IGSF21: variants seen among roughly 807,000 people sequenced by gnomAD.
The protein encoded by IGSF21 is immunoglobin superfamily member 21, also known as immunoglobulin superfamily member 21.
A neutral mutation model predicts 46.8 loss-of-function variants in IGSF21; 28 were observed. The observed-to-expected ratio is 0.60, with a 90% confidence interval of 0.44 to 0.82. IGSF21 has a LOEUF of 0.82. Ranked by LOEUF, IGSF21 falls within the 40% of genes least tolerant of loss-of-function variation. The probability of loss-of-function intolerance (pLI) is 0.00; values close to 1 mark genes in which losing one functional copy is unlikely to be tolerated. For missense variants in IGSF21, 624 were observed against 665.5 expected (o/e 0.94, Z 0.69); for synonymous variants, 284 against 273.6 (o/e 1.04, Z -0.38).
intron 4 of IGSF21, among the ~76,000 whole-genome samples, chr1:18,351,830 C>A (rs186973138): frequency 6.6e-6 from 1 of 152,346 alleles, no homozygotes; most frequent in African/African-American, 2.4e-5. Context: ...AGACACGGCA[C>A]CTGTCGTGGG....
At chr1:18,272,997 A>T (rs538417429) in intron 2 of IGSF21, among the ~76,000 whole-genome samples, 1 of 135,514 alleles carries the variant, frequency 7.4e-6, no homozygotes, top group African/African-American at 2.8e-5. Context: ...CCTTGCCCCC[A>T]CTGGGCCCTC....
chr1:18,118,526 C>T (rs769407155), intron 1 of IGSF21, among the ~76,000 whole-genome samples: 2 of 152,220 alleles, frequency 1.3e-5, no homozygotes, highest in Non-Finnish European at 2.9e-5. Context: ...TCTGGTTCTA[C>T]AGAAGCAGGT....
intron 1 of IGSF21, among the ~76,000 whole-genome samples, chr1:18,126,452 G>C (rs1347850622): frequency 1.3e-5 from 2 of 152,078 alleles, no homozygotes; most frequent in African/African-American, 2.4e-5. Flanking sequence ...TCATCAGCAG[G>C]AGGGGGCCAG....
chr1:18,283,301 G>A (rs2085180515), intron 2 of IGSF21, among the ~76,000 whole-genome samples: 1 of 152,186 alleles, frequency 6.6e-6, no homozygotes, highest in South Asian at 2.1e-4. Flanking sequence ...GCCAGAAACC[G>A]GGGCCCACAA....
chr1:18,108,074 G>A lies in IGSF21; in HGVS notation c.-55G>A, dbSNP rs2086107766. The A allele has an allele frequency of 2.3e-6, 2 of 871,450 alleles. No homozygotes were observed. The highest frequency in any genetic ancestry group is 1.6e-6 in the Non-Finnish European group (1 of 622,998). The allele number at this position is 871,450 out of a possible 1,614,324, so 54.0% of individuals were successfully genotyped here. On this transcript the variant is annotated 5_prime_UTR_variant, in exon 1 of 10. Coordinates refer to ENST00000251296, the MANE Select transcript of IGSF21 (RefSeq NM_032880.5). ...GTCTGAGCCCATGGCGAGGGGACCCGCCGCCACCGCCTCCACCCCCGCCGC... is the reference window on the plus strand; with the variant it reads ...GTCTGAGCCCATGGCGAGGGGACCCACCGCCACCGCCTCCACCCCCGCCGC...
chr1:18,291,483 A>G (rs1276872461), intron 2 of IGSF21, among the ~76,000 whole-genome samples: 1 of 152,172 alleles, frequency 6.6e-6, no homozygotes, highest in Non-Finnish European at 1.5e-5. Flanking sequence ...GGAGAAGCTG[A>G]GCTCCTTTGC....
intron 1 of IGSF21, among the ~76,000 whole-genome samples, chr1:18,136,161 C>G (rs1321645489): frequency 6.6e-6 from 1 of 152,122 alleles, no homozygotes; most frequent in Non-Finnish European, 1.5e-5. Flanking sequence ...GACATTAGCC[C>G]TTTGTCAGAT....
At chr1:18,308,222 G>A (rs2085447118) in intron 3 of IGSF21, among the ~76,000 whole-genome samples, 2 of 152,212 alleles carry the variant, frequency 1.3e-5, no homozygotes, top group African/African-American at 2.4e-5. Flanking sequence ...AAGAATTAAC[G>A]GGGGATCTGG....
intron 3 of IGSF21, among the ~76,000 whole-genome samples, chr1:18,299,941 C>T (rs1015263157): frequency 1.3e-5 from 2 of 152,174 alleles, no homozygotes; most frequent in African/African-American, 4.8e-5. Flanking sequence ...CTTAAATTTC[C>T]CATCAACTGG....
chr1:18,251,280 G>T (rs2084838852), intron 2 of IGSF21, among the ~76,000 whole-genome samples: 1 of 152,198 alleles, frequency 6.6e-6, no homozygotes, highest in Non-Finnish European at 1.5e-5. Flanking sequence ...AAATTATCTG[G>T]CTGTTGTGCA....
At chr1:18,201,243 G>C (rs1407812693) in intron 1 of IGSF21, among the ~76,000 whole-genome samples, 1 of 152,134 alleles carries the variant, frequency 6.6e-6, no homozygotes, top group Non-Finnish European at 1.5e-5. Context: ...GAAGGATGGA[G>C]CTCCCTGGAG....
At chr1:18,209,156 A>G (rs2084364285) in intron 1 of IGSF21, among the ~76,000 whole-genome samples, 1 of 152,172 alleles carries the variant, frequency 6.6e-6, no homozygotes, top group Non-Finnish European at 1.5e-5. Context: ...TATAAATTAT[A>G]CCTACAAAAA....
At chr1:18,268,629 G>T (rs1369003485) in intron 2 of IGSF21, among the ~76,000 whole-genome samples, 2 of 152,228 alleles carry the variant, frequency 1.3e-5, no homozygotes, top group Non-Finnish European at 2.9e-5. Flanking sequence ...CGGCCCTAAG[G>T]TGGTCACCAA....
intron 1 of IGSF21, among the ~76,000 whole-genome samples, chr1:18,172,005 C>T (rs947147999): frequency 6.6e-6 from 1 of 152,108 alleles, no homozygotes; most frequent in African/African-American, 2.4e-5. Flanking sequence ...TTTTCTTGTC[C>T]CCTGGACAGG....
At chr1:18,326,530 A>G (rs1447243966) in intron 3 of IGSF21, among the ~76,000 whole-genome samples, 1 of 152,252 alleles carries the variant, frequency 6.6e-6, no homozygotes, top group Non-Finnish European at 1.5e-5. Context: ...ATTAAAGCAC[A>G]GCCTCAAAGG....
At chr1:18,167,983 A>G (rs570846889) in intron 1 of IGSF21, among the ~76,000 whole-genome samples, 12 of 152,236 alleles carry the variant, frequency 7.9e-5, no homozygotes, top group Admixed American at 4.6e-4. Flanking sequence ...CTACCGCAGG[A>G]ACACCTGCTC....
At chr1:18,353,434 C>T (rs2085981493) in intron 4 of IGSF21, among the ~76,000 whole-genome samples, 1 of 152,068 alleles carries the variant, frequency 6.6e-6, no homozygotes, top group Non-Finnish European at 1.5e-5. Flanking sequence ...TCCTGGTGTG[C>T]CAGGCTCTTG....
chr1:18,257,902 G>T (rs1219702091), intron 2 of IGSF21, among the ~76,000 whole-genome samples: 1 of 152,110 alleles, frequency 6.6e-6, no homozygotes, highest in Non-Finnish European at 1.5e-5. Flanking sequence ...AGTCTTCTGA[G>T]AGCCCCGTGG....
intron 4 of IGSF21, among the ~76,000 whole-genome samples, chr1:18,358,669 A>T (rs1488615553): frequency 6.6e-6 from 1 of 152,266 alleles, no homozygotes; most frequent in Non-Finnish European, 1.5e-5. Context: ...CACAGCTGAT[A>T]TGTATTGGGT....
Sources: allele counts gnomAD v4.1 joint callset (sites outside exome capture counted in the v4.1 genomes callset), GRCh38; gene constraint gnomAD v4.1.1; transcripts MANE v1.5; gene names NCBI Gene and HGNC (gene_info 2026-07-23, HGNC 2026-07-21).